CACNA2D3: variants seen among roughly 807,000 people sequenced by gnomAD.
CACNA2D3 encodes voltage-dependent calcium channel subunit alpha-2/delta-3.
Under a neutral mutation model 160.6 loss-of-function variants are expected in CACNA2D3, and 60 were observed. The observed-to-expected ratio is 0.37, with a 90% CI of 0.30 to 0.46. CACNA2D3 has a LOEUF of 0.46. Ranked by LOEUF, CACNA2D3 falls within the 20% of genes least tolerant of loss-of-function variation. CACNA2D3 has a pLI of 1.00. For synonymous variants in CACNA2D3, 558 were observed against 492.9 expected (o/e 1.13, Z -1.75); for missense variants, 1,205 against 1,365.0 (o/e 0.88, Z 1.85).
intron 2 of CACNA2D3, among the ~76,000 whole-genome samples, chr3:54,211,741 G>C (rs948483334): frequency 5.3e-5 from 8 of 152,076 alleles, no homozygotes; most frequent in South Asian, 2.1e-4. Context: ...TTCTTTACCA[G>C]TGTACGTAAA....
rs186710287 is a variant in CACNA2D3, at chr3:54,151,372, C to T, written c.204+27778C>T. Among the ~76,000 whole-genome samples, 217 of 150,514 alleles carry T rather than the reference C, an allele frequency of 1.4e-3. 2 individuals are homozygous for T. Among genetic ancestry groups the T allele is most frequent in the African/African-American group, 5.0e-3 (205 of 40,906 alleles). ...TAGTTGGGTGAATGAATGGAGTGGA[C>T]AGGTGGATGAGTAGATGGATGAATA... On this transcript the variant is annotated intron_variant, in intron 2 of 37. Transcript: ENST00000474759.
rs114576497 is a variant in CACNA2D3, at chr3:54,834,698, G to A, written c.1399-2461G>A. 8.4e-3 allele frequency among the ~76,000 whole-genome samples: 1,282 copies of A among 152,282 alleles called. 10 individuals carry two copies. Among genetic ancestry groups the A allele is most frequent in the Non-Finnish European group, 0.015 (987 of 68,026 alleles). On this transcript the variant is annotated intron_variant, in intron 14 of 37. Coordinates refer to ENST00000474759, the MANE Select transcript of CACNA2D3 (RefSeq NM_018398.3). ...ATTACCATGTATATTATTAGTCATG[G>A]TTCTCTAGAGATAGCCTATAGAGCT... is the stretch of plus-strand genomic sequence containing the variant.
chr3:54,226,624 A>G (rs563918449), intron 2 of CACNA2D3, among the ~76,000 whole-genome samples: 5 of 151,936 alleles, frequency 3.3e-5, no homozygotes, highest in African/African-American at 1.2e-4. Flanking sequence ...TCTTTATAGG[A>G]TATTTGCCCC....
In CACNA2D3 at chr3:54,533,276, G is replaced by A. The variant is rs116371590; in HGVS notation, c.545-29524G>A. Among the ~76,000 whole-genome samples, 939 of 151,356 alleles carry A rather than the reference G, an allele frequency of 6.2e-3. 8 individuals are homozygous for A. Among genetic ancestry groups the A allele is most frequent in the African/African-American group, 0.022 (897 of 41,178 alleles). Reference sequence around the variant, plus strand: ...TTTCTTGCATTGTTCTGAGTGTGCTGGTTCCTAGCTAGGTTGTACCATGGT... The same window carrying A: ...TTTCTTGCATTGTTCTGAGTGTGCTAGTTCCTAGCTAGGTTGTACCATGGT... On this transcript the variant is annotated intron_variant, in intron 5 of 37. Coordinates refer to ENST00000474759, the MANE Select transcript of CACNA2D3 (RefSeq NM_018398.3).
At chr3:54,696,521 T>C (rs1356410342) in intron 11 of CACNA2D3, among the ~76,000 whole-genome samples, 1 of 152,212 alleles carries the variant, frequency 6.6e-6, no homozygotes, top group Non-Finnish European at 1.5e-5. Context: ...TTTTCTCTTG[T>C]TCAGGATGTG....
intron 17 of CACNA2D3, among the ~76,000 whole-genome samples, chr3:54,855,913 C>T (rs1300421423): frequency 1.3e-5 from 2 of 152,214 alleles, no homozygotes; most frequent in Non-Finnish European, 2.9e-5. Flanking sequence ...CTCCTGCTGC[C>T]CTGTCACCCC....
chr3:54,625,925 G>A (rs1407958905), intron 9 of CACNA2D3, among the ~76,000 whole-genome samples: 1 of 152,162 alleles, frequency 6.6e-6, no homozygotes, highest in African/African-American at 2.4e-5. Flanking sequence ...TCATGAATGG[G>A]TTTCACCATC....
intron 2 of CACNA2D3, among the ~76,000 whole-genome samples, chr3:54,225,492 A>T (rs1032289897): frequency 3.9e-5 from 6 of 152,004 alleles, no homozygotes; most frequent in African/African-American, 1.5e-4. Flanking sequence ...TATGTTTCCC[A>T]TATGTTATTT....
At chr3:54,542,185 C>T (rs1701991582) in intron 5 of CACNA2D3, among the ~76,000 whole-genome samples, 1 of 151,868 alleles carries the variant, frequency 6.6e-6, no homozygotes, top group Non-Finnish European at 1.5e-5. Flanking sequence ...CCTCAGCCTC[C>T]CGAGTAGCTG....
chr3:54,403,315 A>G (rs1699505953), intron 4 of CACNA2D3, among the ~76,000 whole-genome samples: 1 of 151,132 alleles, frequency 6.6e-6, no homozygotes, highest in African/African-American at 2.4e-5. Context: ...AGATTATGCC[A>G]CTGCACTCCA....
intron 31 of CACNA2D3, among the ~76,000 whole-genome samples, chr3:54,988,186 G>T (rs1270860384): frequency 1.3e-5 from 2 of 152,184 alleles, no homozygotes; most frequent in African/African-American, 4.8e-5. Context: ...TCTTGATGTT[G>T]TTTTAGAAAA....
At chr3:54,842,357 AT>A (rs1402605561) in intron 16 of CACNA2D3, among the ~76,000 whole-genome samples, 1 of 152,078 alleles carries the variant, frequency 6.6e-6, no homozygotes, top group African/African-American at 2.4e-5. Context: ...TGTTTTTAAT[AT>A]TTACTTTAGT....
chr3:54,783,620 A>G (rs576200811), intron 13 of CACNA2D3, among the ~76,000 whole-genome samples: 2 of 151,620 alleles, frequency 1.3e-5, no homozygotes, highest in African/African-American at 2.4e-5. Context: ...AAATAAATAA[A>G]TAAATAAAAA....
intron 5 of CACNA2D3, among the ~76,000 whole-genome samples, chr3:54,545,075 C>G (rs376446503): frequency 6.6e-6 from 1 of 152,180 alleles, no homozygotes; most frequent in Non-Finnish European, 1.5e-5. Context: ...GTGCTGTGTA[C>G]TTCTGGCCAT....
intron 9 of CACNA2D3, among the ~76,000 whole-genome samples, chr3:54,596,835 CTT>C (rs1702964132): frequency 6.6e-6 from 1 of 152,146 alleles, no homozygotes; most frequent in Non-Finnish European, 1.5e-5. Flanking sequence ...CTGGTTAACT[CTT>C]TCCCATTTTC....
chr3:54,122,979 C>T (rs1699505951), intron 1 of CACNA2D3, 144 bp downstream of exon 1: 2 of 768,358 alleles, frequency 2.6e-6, no homozygotes, highest in Non-Finnish European at 3.5e-6. Context: ...TTTCGGGACC[C>T]GCGTCGGGCG....
chr3:54,471,453 A>G (rs1010218600), intron 4 of CACNA2D3, among the ~76,000 whole-genome samples: 24 of 152,200 alleles, frequency 1.6e-4, no homozygotes, highest in Admixed American at 1.5e-3. Context: ...AAAGCAGGAA[A>G]GACCTAAAAT....
chr3:55,039,313 A>G (rs1703908602), intron 35 of CACNA2D3, among the ~76,000 whole-genome samples: 1 of 152,126 alleles, frequency 6.6e-6, no homozygotes, highest in African/African-American at 2.4e-5. Context: ...TCAGAGATTG[A>G]CTACGGGGAA....
chr3:54,591,555 T>G (rs1026353161), intron 9 of CACNA2D3, among the ~76,000 whole-genome samples: 9 of 145,834 alleles, frequency 6.2e-5, no homozygotes, highest in African/African-American at 2.1e-4. Context: ...GAGAGGACTG[T>G]GGTTGAAAAA....
Sources: gnomAD v4.1 joint callset for allele counts (sites outside exome capture counted in the v4.1 genomes callset) on GRCh38, gnomAD v4.1.1 for gene constraint, MANE v1.5 for transcripts, NCBI Gene and HGNC (gene_info 2026-07-23, HGNC 2026-07-21) for gene names.